The following HPCAL1 variants were observed in gnomAD, a reference collection of about 807,000 sequenced individuals.
HPCAL1 encodes the protein hippocalcin like 1, also known as hippocalcin-like protein 1.
Under a neutral mutation model 17.1 loss-of-function variants are expected in HPCAL1, and 8 were observed. The observed-to-expected ratio is 0.47, with a 90% CI of 0.27 to 0.84. HPCAL1 has a LOEUF of 0.84. Ranked by LOEUF, HPCAL1 falls within the 40% of genes least tolerant of loss-of-function variation. The probability of loss-of-function intolerance (pLI) is 0.13; values close to 1 mark genes in which losing one functional copy is unlikely to be tolerated. For missense variants in HPCAL1, 165 were observed against 271.1 expected (o/e 0.61, Z 2.75); for synonymous variants, 112 against 111.4 (o/e 1.01, Z -0.03).
At chr2:10,353,271 T>C (rs1665938678) in intron 1 of HPCAL1, among the ~76,000 whole-genome samples, 1 of 152,154 alleles carries the variant, frequency 6.6e-6, no homozygotes, top group Non-Finnish European at 1.5e-5. Context: ...CTACTATTAT[T>C]CTTTATAATA....
At chr2:10,375,336 G>A (rs1489154833) in intron 1 of HPCAL1, among the ~76,000 whole-genome samples, 1 of 152,178 alleles carries the variant, frequency 6.6e-6, no homozygotes, top group East Asian at 1.9e-4. Context: ...GGCAGGACAG[G>A]GCTGATGAGG....
At chr2:10,388,226 C>T (rs959717348) in intron 1 of HPCAL1, among the ~76,000 whole-genome samples, 4 of 152,304 alleles carry the variant, frequency 2.6e-5, no homozygotes, top group African/African-American at 7.2e-5. Flanking sequence ...CCGGGGCCGT[C>T]GGCATTTCCC....
In HPCAL1 at chr2:10,359,058, C is replaced by T. The variant is rs1666365859; in HGVS notation, c.-110-37777C>T. 6.6e-6 allele frequency among the ~76,000 whole-genome samples: 1 copy of T among 152,128 alleles called. No homozygotes were observed. The highest frequency in any genetic ancestry group is 2.1e-4 in the South Asian group (1 of 4,824). ...AGGTTTGACCCGTCTGCATGCTCCC[C>T]TCGAGGTTTGACCCGTCTGCATGCT... On this transcript the variant is annotated intron_variant, in intron 1 of 4. Coordinates refer to ENST00000307845, the MANE Select transcript of HPCAL1 (RefSeq NM_002149.4). This position sits in a 1 kb window ranked among gnomAD's most constrained non-coding sequence, Gnocchi z 4.1.
At chr2:10,346,982 A>G (rs2125454563) in intron 1 of HPCAL1, among the ~76,000 whole-genome samples, 1 of 98,726 alleles carries the variant, frequency 1.0e-5, no homozygotes, top group South Asian at 3.7e-4. Flanking sequence ...TTAGTTTCTA[A>G]GGGATTTATA....
chr2:10,378,087 G>T (rs1667692822), intron 1 of HPCAL1, among the ~76,000 whole-genome samples: 1 of 152,128 alleles, frequency 6.6e-6, no homozygotes, highest in Non-Finnish European at 1.5e-5. Context: ...AACTTGTCTG[G>T]GTTTAAGGTT....
intron 4 of HPCAL1, 33 bp from the exon 5 acceptor site, chr2:10,426,691 C>T (rs1483112147): frequency 6.5e-7 from 1 of 1,547,004 alleles, no homozygotes; most frequent in African/African-American, 1.4e-5. Flanking sequence ...ACAGTGAGCA[C>T]TGGCTAATCC....
Position 10,348,392 on chromosome 2 carries a change from T to C in HPCAL1, c.-111+45215T>C, listed in dbSNP as rs374742001. On this transcript the variant is annotated intron_variant, in intron 1 of 4. Coordinates refer to ENST00000307845, the MANE Select transcript of HPCAL1 (RefSeq NM_002149.4). Reference sequence around the variant, plus strand: ...TGAACTCAAGAGGCGGAGGTTGCAGTGAGCCGAGATCGCTCCACTGCACTC... The same window carrying C: ...TGAACTCAAGAGGCGGAGGTTGCAGCGAGCCGAGATCGCTCCACTGCACTC... Among the ~76,000 whole-genome samples the C allele has an allele frequency of 3.9e-5, 6 of 152,178 alleles. 1 individual carries two copies.
rs925287443 is a variant in HPCAL1, at chr2:10,420,006, G to A, written c.249G>A (p.Arg83=). ...DTNGDGTIDF[R]EFIIALSVTS... is the part of the protein sequence containing the mutation. ...ACGGCGACGGCACCATCGACTTCCG[G>A]GAGTTCATCATTGCGCTGAGCGTGA... is the stretch of plus-strand genomic sequence containing the variant. The change falls in exon 3 of 5, where the codon CGG becomes CGA. Residue 83 remains arginine, a synonymous_variant. Coordinates refer to ENST00000307845, the MANE Select transcript of HPCAL1 (RefSeq NM_002149.4). The A allele has an allele frequency of 6.2e-7, 1 of 1,613,886 alleles. No individual in the cohort carries two copies. Among genetic ancestry groups the A allele is most frequent in the Non-Finnish European group, 8.5e-7 (1 of 1,180,040 alleles).
At chr2:10,370,800 C>T (rs10929657) in intron 1 of HPCAL1, among the ~76,000 whole-genome samples, 14,458 of 152,256 alleles carry the variant, frequency 0.095, 1,569 homozygotes, top group East Asian at 0.46. Context: ...GTAGCAACAG[C>T]GTTCTGGGAG....
In HPCAL1 at chr2:10,413,205, C is replaced by A. The variant is rs375276112; in HGVS notation, c.-24-6529C>A. On this transcript the variant is annotated intron_variant, in intron 2 of 4. Transcript: ENST00000307845. ...CCTCCCCTGCCCATCCTGTGGACCC[C>A]CAAAGCCTTAGGAAGGTCCCTGGGG... Among the ~76,000 whole-genome samples the A allele has an allele frequency of 1.2e-4, 18 of 152,282 alleles. No individual in the cohort carries two copies. In the East Asian group the frequency reaches 3.1e-3, roughly 26 times the overall value.
chr2:10,316,747 G>A (rs1358725199), intron 1 of HPCAL1, among the ~76,000 whole-genome samples: 1 of 152,184 alleles, frequency 6.6e-6, no homozygotes, highest in African/African-American at 2.4e-5. Flanking sequence ...TGTAAAATCC[G>A]AGAAACCAGA....
chr2:10,347,538 T>A (rs1665549509), intron 1 of HPCAL1, among the ~76,000 whole-genome samples: 1 of 152,134 alleles, frequency 6.6e-6, no homozygotes, highest in Non-Finnish European at 1.5e-5. Flanking sequence ...TGGAAGTGCC[T>A]CCTGCCACCC....
chr2:10,358,976 C>T (rs1666357560), intron 1 of HPCAL1, among the ~76,000 whole-genome samples: 1 of 152,106 alleles, frequency 6.6e-6, no homozygotes, highest in Admixed American at 6.5e-5. Context: ...ACATTCACTC[C>T]TAGACACTAC....
At chr2:10,414,105 G>A (rs986240853) in intron 2 of HPCAL1, among the ~76,000 whole-genome samples, 1 of 152,268 alleles carries the variant, frequency 6.6e-6, no homozygotes, top group African/African-American at 2.4e-5. Context: ...TGGTTTACTT[G>A]TGGTGAAGCG....
intron 1 of HPCAL1, among the ~76,000 whole-genome samples, chr2:10,318,404 G>T (rs1384753700): frequency 6.6e-6 from 1 of 152,072 alleles, no homozygotes; most frequent in Non-Finnish European, 1.5e-5. Context: ...CCTTCTTTGG[G>T]TTTGTGTTCA....
chr2:10,424,321 C>T (rs370454479), intron 4 of HPCAL1: 9 of 354,406 alleles, frequency 2.5e-5, no homozygotes, highest in African/African-American at 4.3e-5. Flanking sequence ...TGGTGCCTGG[C>T]GTTGCCTTTG....
chr2:10,404,375 TC>T (rs1184032633), intron 2 of HPCAL1, among the ~76,000 whole-genome samples: 1 of 152,170 alleles, frequency 6.6e-6, no homozygotes, highest in African/African-American at 2.4e-5. Context: ...GGTGAGTGTT[TC>T]CCCAGCCCCG....
rs966394566 is a variant in HPCAL1 at position 10,356,078 on chromosome 2, C to T, written c.-110-40757C>T. 1.4e-4 allele frequency among the ~76,000 whole-genome samples: 22 copies of T among 152,214 alleles called. No individual in the cohort carries two copies. In the East Asian group the frequency reaches 3.3e-3, roughly 23 times the overall value. On this transcript the variant is annotated intron_variant, in intron 1 of 4. Coordinates refer to ENST00000307845, the MANE Select transcript of HPCAL1 (RefSeq NM_002149.4). ...GCAAAACATACTCATTCCTAACTGG[C>T]GAGGGAACCGCCAGTTCATTTATTC...
intron 1 of HPCAL1, among the ~76,000 whole-genome samples, chr2:10,372,243 G>A (rs1667258112): frequency 1.3e-5 from 2 of 152,288 alleles, no homozygotes; most frequent in South Asian, 4.1e-4. Context: ...GCTGGGTGGT[G>A]CCCTGTGCTG....
Sources: allele counts gnomAD v4.1 joint callset (sites outside exome capture counted in the v4.1 genomes callset), GRCh38; gene constraint gnomAD v4.1.1; non-coding constraint Gnocchi (gnomAD v3.1); transcripts MANE v1.5; gene names NCBI Gene and HGNC (gene_info 2026-07-23, HGNC 2026-07-21).